LIX1: variants seen among roughly 807,000 people sequenced by gnomAD.
The protein encoded by LIX1 is protein limb expression 1 homolog.
In LIX1, 24 loss-of-function variants were observed where a neutral mutation model predicts 33.4. The ratio of observed to expected loss-of-function variants is 0.72; its 90% CI spans 0.52 to 1.01. LIX1 has a LOEUF of 1.01. LIX1 is among the 50% of genes least tolerant of loss of function. LIX1 has a pLI of 0.00. For missense variants in LIX1, 311 were observed against 339.2 expected (o/e 0.92, Z 0.65); for synonymous variants, 124 against 124.0 (o/e 1.00, Z 0.00).
At chr5:97,097,991 C>T (rs1746481725) in intron 4 of LIX1, among the ~76,000 whole-genome samples, 1 of 152,188 alleles carries the variant, frequency 6.6e-6, no homozygotes, top group South Asian at 2.1e-4. Flanking sequence ...CTTCTTCAGC[C>T]CTTTTCTGCC....
At position 97,092,270 on chromosome 5, in the gene LIX1, A is replaced by T. The variant is rs1055931356; in HGVS notation, c.*2478T>A. The stretch of plus-strand genomic sequence containing the variant: ...TCCTAGGAGATGATCCACAGCTTTT[A>T]TCAGATTCTCAAAGGGCTTATAACC... On this transcript the variant is annotated 3_prime_UTR_variant, in exon 6 of 6. Transcript: ENST00000274382. 3 of 152,480 alleles carry T rather than the reference A, an allele frequency of 2.0e-5. No homozygotes were observed. The highest frequency in any genetic ancestry group is 4.1e-4 in the South Asian group (2 of 4,828). 9.4% of individuals were successfully genotyped at this position (152,480 alleles called of 1,614,324 possible). A position where few individuals can be genotyped will look rare whatever the true frequency, so the allele number is the denominator to read the frequency against.
At chr5:97,098,373 GATTTTC>G (rs1580199823) in intron 4 of LIX1, among the ~76,000 whole-genome samples, 2 of 152,124 alleles carry the variant, frequency 1.3e-5, no homozygotes, top group East Asian at 3.8e-4. Flanking sequence ...GTTTACTGAA[GATTTTC>G]ATTTTCCTAA....
In LIX1 at chr5:97,105,248, A is replaced by G; in HGVS notation, c.425T>C (p.Val142Ala). Reference protein sequence around the residue: ...LDDADDPSTSVGAYHYMLESN... With the variant: ...LDDADDPSTSAGAYHYMLESN... ...CTCCAGCATGTAGTGATAGGCCCCA[A>G]CACTGGTGCTGGGGTCATCTGCATC... is the stretch of plus-strand genomic sequence containing the variant. Residue 142 changes from valine (V) to alanine (A), a missense_variant, in exon 4 of 6, where the codon GTT becomes GCT. Transcript: ENST00000274382. 2 of 1,614,092 alleles carry G rather than the reference A, an allele frequency of 1.2e-6. No individual in the cohort carries two copies. The highest frequency in any genetic ancestry group is 8.5e-7 in the Non-Finnish European group (1 of 1,179,954).
At chr5:97,135,936 G>A (rs533078381) in intron 1 of LIX1, among the ~76,000 whole-genome samples, 11 of 152,322 alleles carry the variant, frequency 7.2e-5, no homozygotes, top group African/African-American at 2.6e-4. Context: ...GTTCTTCTTA[G>A]TCAAAATGGT....
At chr5:97,098,992 C>T (rs1209794711) in intron 4 of LIX1, among the ~76,000 whole-genome samples, 3 of 152,126 alleles carry the variant, frequency 2.0e-5, no homozygotes, top group Non-Finnish European at 2.9e-5. Flanking sequence ...TCTGAGAGCC[C>T]ACAGACACCT....
rs1331876534 is a variant in LIX1 at position 97,142,593 on chromosome 5, T to C, written c.-17A>G. 2 of 1,603,970 alleles carry C rather than the reference T, an allele frequency of 1.2e-6. No individual in the cohort carries two copies. Among genetic ancestry groups the C allele is most frequent in the East Asian group, 2.2e-5 (1 of 44,828 alleles). On this transcript the variant is annotated 5_prime_UTR_variant, in exon 1 of 6. Transcript: ENST00000274382. ...TCTGTCCATCTTGGGTCTGCCTGTG[T>C]GAGCCTCCTGTACAGAGTGTCCTCA...
intron 1 of LIX1, among the ~76,000 whole-genome samples, chr5:97,135,833 TAAAA>T (rs1043009604): frequency 1.3e-5 from 2 of 151,700 alleles, no homozygotes; most frequent in Non-Finnish European, 2.9e-5. Context: ...TTAATAAAAA[TAAAA>T]AAATAAAAAT....
chr5:97,136,815 A>G (rs1364974051), intron 1 of LIX1, among the ~76,000 whole-genome samples: 2 of 152,120 alleles, frequency 1.3e-5, no homozygotes, highest in Non-Finnish European at 2.9e-5. Flanking sequence ...AACTATGGGG[A>G]GTGTAATAAT....
intron 5 of LIX1, among the ~76,000 whole-genome samples, 199 bp downstream of exon 5, chr5:97,096,611 T>G (rs550173836): frequency 1.3e-5 from 2 of 152,318 alleles, no homozygotes; most frequent in Admixed American, 1.3e-4. Context: ...GTGCCCACGT[T>G]CTTTTTAGTG....
chr5:97,109,659 C>G (rs371957184), intron 2 of LIX1, among the ~76,000 whole-genome samples: 1 of 151,936 alleles, frequency 6.6e-6, no homozygotes, highest in African/African-American at 2.4e-5. Flanking sequence ...TCTGGGAATG[C>G]GGTGATTTCT....
rs1213892417 is a variant in LIX1, at chr5:97,092,856, T to C, written c.*1892A>G. 6.6e-6 allele frequency: 1 copy of C among 152,334 alleles called. No homozygotes were observed. Among genetic ancestry groups the C allele is most frequent in the Non-Finnish European group, 1.5e-5 (1 of 68,024 alleles). 9.4% of individuals were successfully genotyped at this position (152,334 alleles called of 1,614,324 possible). On this transcript the variant is annotated 3_prime_UTR_variant, in exon 6 of 6. Coordinates refer to ENST00000274382, the MANE Select transcript of LIX1 (RefSeq NM_153234.5). Reference sequence around the variant, plus strand: ...TTGGAAATGACAATGTAAAGAGTAATGGCTTTATGAAAGAAATTAACTTTA... The same window carrying C: ...TTGGAAATGACAATGTAAAGAGTAACGGCTTTATGAAAGAAATTAACTTTA...
At chr5:97,133,064 A>T (rs1462825986) in intron 1 of LIX1, among the ~76,000 whole-genome samples, 1 of 152,192 alleles carries the variant, frequency 6.6e-6, no homozygotes, top group Non-Finnish European at 1.5e-5. Context: ...AGCATATATG[A>T]TCTATGTTTT....
intron 2 of LIX1, among the ~76,000 whole-genome samples, chr5:97,115,470 G>A (rs563170787): frequency 6.6e-6 from 1 of 152,228 alleles, no homozygotes; most frequent in East Asian, 1.9e-4. Flanking sequence ...TAGAAAATAG[G>A]CAGGATACAT....
intron 1 of LIX1, among the ~76,000 whole-genome samples, chr5:97,126,029 G>C (rs1382175731): frequency 6.6e-6 from 1 of 152,156 alleles, no homozygotes; most frequent in Non-Finnish European, 1.5e-5. Context: ...CCATAATCCA[G>C]GATCCTTGAT....
At chr5:97,096,936 T>C (rs1746411045) in intron 4 of LIX1, 49 bp from the exon 5 acceptor site, 1 of 1,346,934 alleles carries the variant, frequency 7.4e-7, no homozygotes. Context: ...AAATGTGCAT[T>C]GGTGAGAGCT....
intron 2 of LIX1, among the ~76,000 whole-genome samples, chr5:97,108,350 CAT>C (rs752782929): frequency 5.3e-4 from 80 of 152,078 alleles, no homozygotes; most frequent in Non-Finnish European, 1.0e-3. Context: ...ATTAGTGACT[CAT>C]AAAAAAAATT....
intron 1 of LIX1, among the ~76,000 whole-genome samples, chr5:97,125,053 C>G (rs1231972696): frequency 6.6e-6 from 1 of 152,142 alleles, no homozygotes; most frequent in Non-Finnish European, 1.5e-5. Flanking sequence ...TTTCTCATTT[C>G]TCATAGATTC....
chr5:97,139,258 C>T (rs950914606), intron 1 of LIX1, among the ~76,000 whole-genome samples: 1 of 152,224 alleles, frequency 6.6e-6, no homozygotes, highest in Admixed American at 6.5e-5. Flanking sequence ...GTTTCTAGTA[C>T]AGTGCCTATC....
At chr5:97,103,212 C>A in intron 4 of LIX1, 1 of 364,920 alleles carries the variant, frequency 2.7e-6, no homozygotes, top group Non-Finnish European at 5.3e-6. Context: ...TTTTACAGAT[C>A]GACTCTTTTA....
Sources: allele counts gnomAD v4.1 joint callset (sites outside exome capture counted in the v4.1 genomes callset), GRCh38; gene constraint gnomAD v4.1.1; transcripts MANE v1.5; gene names NCBI Gene and HGNC (gene_info 2026-07-23, HGNC 2026-07-21).